GUCY1A2: variants seen among roughly 807,000 people sequenced by gnomAD.
GUCY1A2 encodes guanylate cyclase soluble subunit alpha-2.
GUCY1A2 carries 27 observed loss-of-function variants against 63.5 expected under a neutral mutation model. The ratio of observed to expected loss-of-function variants is 0.43; its 90% confidence interval spans 0.31 to 0.59. The LOEUF (loss-of-function observed/expected upper bound fraction) is 0.59. GUCY1A2 is among the 20% of genes least tolerant of loss of function. GUCY1A2 has a pLI of 0.11. For synonymous variants in GUCY1A2, 364 were observed against 343.5 expected (o/e 1.06, Z -0.66); for missense variants, 768 against 913.3 (o/e 0.84, Z 2.05).
intron 1 of GUCY1A2, among the ~76,000 whole-genome samples, chr11:107,000,644 G>C (rs1249148543): frequency 6.6e-6 from 1 of 152,122 alleles, no homozygotes; most frequent in South Asian, 2.1e-4. Flanking sequence ...ATCAATAGTA[G>C]ATTGGTAGAT....
chr11:106,899,405 T>C (rs1219883400), intron 4 of GUCY1A2, among the ~76,000 whole-genome samples: 1 of 152,166 alleles, frequency 6.6e-6, no homozygotes. Flanking sequence ...ATATGAAATA[T>C]TTAGTAGCAG....
intron 6 of GUCY1A2, among the ~76,000 whole-genome samples, chr11:106,736,936 G>C (rs1863599760): frequency 6.6e-6 from 1 of 152,058 alleles, no homozygotes; most frequent in Non-Finnish European, 1.5e-5. Context: ...TTCATCTGGG[G>C]AGCATACCAC....
chr11:106,839,798 G>A (rs1406256149), intron 4 of GUCY1A2, among the ~76,000 whole-genome samples: 5 of 141,760 alleles, frequency 3.5e-5, no homozygotes, highest in Admixed American at 2.3e-4. Context: ...TCACAGGTGG[G>A]AATTGAACAA....
chr11:106,812,036 A>G (rs1312483088), intron 4 of GUCY1A2, among the ~76,000 whole-genome samples: 4 of 152,034 alleles, frequency 2.6e-5, no homozygotes, highest in Non-Finnish European at 4.4e-5. Context: ...TAAAATATTT[A>G]CAGATTGTTT....
chr11:106,985,175 G>T (rs897029217), intron 2 of GUCY1A2, among the ~76,000 whole-genome samples: 3 of 152,216 alleles, frequency 2.0e-5, no homozygotes, highest in African/African-American at 7.2e-5. Flanking sequence ...AGTTCAAGAA[G>T]TACCACAGTT....
chr11:107,007,106 C>T (rs1159203544), intron 1 of GUCY1A2, among the ~76,000 whole-genome samples: 1 of 151,014 alleles, frequency 6.6e-6, no homozygotes, highest in Non-Finnish European at 1.5e-5. Context: ...AGTATACCAA[C>T]TACTCATTGG....
At chr11:106,712,765 T>C (rs185734905) in intron 6 of GUCY1A2, among the ~76,000 whole-genome samples, 1 of 152,296 alleles carries the variant, frequency 6.6e-6, no homozygotes, top group African/African-American at 2.4e-5. Flanking sequence ...GAGTACTCTC[T>C]GCAGTGTCCT....
In GUCY1A2 at chr11:106,737,101, T is replaced by C. The variant is rs1014795383; in HGVS notation, c.1837-28435A>G. 2.6e-5 allele frequency among the ~76,000 whole-genome samples: 4 copies of C among 152,158 alleles called. 1 individual carries two copies. The highest frequency in any genetic ancestry group is 4.4e-5 in the Non-Finnish European group (3 of 68,022). ...AGCACTTTGGTAACTCAAACTGTCA[T>C]TGCTTTTCATTGTAGACGCACATTT... On this transcript the variant is annotated intron_variant, in intron 6 of 7. Transcript: ENST00000526355.
intron 4 of GUCY1A2, among the ~76,000 whole-genome samples, chr11:106,843,927 A>G (rs1859236031): frequency 6.6e-6 from 1 of 151,854 alleles, no homozygotes; most frequent in African/African-American, 2.4e-5. Flanking sequence ...TCCATCATAG[A>G]GCACTTAGAA....
chr11:106,900,583 C>T (rs993974534), intron 4 of GUCY1A2, among the ~76,000 whole-genome samples: 6 of 152,176 alleles, frequency 3.9e-5, no homozygotes, highest in Non-Finnish European at 7.3e-5. Flanking sequence ...TCGTGTGTTT[C>T]TAATGATAAG....
At chr11:106,772,348 T>C (rs886275122) in intron 6 of GUCY1A2, among the ~76,000 whole-genome samples, 13 of 152,190 alleles carry the variant, frequency 8.5e-5, no homozygotes, top group Admixed American at 6.5e-5. Flanking sequence ...AACAGTAAGC[T>C]ATCACATATC....
At chr11:106,941,182 C>T (rs1455602) in intron 3 of GUCY1A2, among the ~76,000 whole-genome samples, 136,710 of 152,256 alleles carry the variant, frequency 0.9, 61,470 homozygotes, top group East Asian at 1. Flanking sequence ...TCTGATGAGA[C>T]AGAATTAAAG....
intron 1 of GUCY1A2, among the ~76,000 whole-genome samples, chr11:106,992,325 CTTTTTTT>C (rs11297661): frequency 1.6e-4 from 18 of 113,764 alleles, no homozygotes; most frequent in African/African-American, 5.6e-4. Context: ...AAGAATATGT[CTTTTTTT>C]TTTTTTTTTT....
chr11:106,884,213 C>T (rs993446525), intron 4 of GUCY1A2, among the ~76,000 whole-genome samples: 3 of 152,072 alleles, frequency 2.0e-5, no homozygotes, highest in Non-Finnish European at 4.4e-5. Flanking sequence ...AAAGAAAGTG[C>T]TTCATTTTGC....
chr11:106,933,930 A>C (rs553575782), intron 4 of GUCY1A2, among the ~76,000 whole-genome samples: 1 of 152,286 alleles, frequency 6.6e-6, no homozygotes, highest in Non-Finnish European at 1.5e-5. Flanking sequence ...AGATGGCAAC[A>C]ATAGACATTG....
chr11:106,944,323 G>T (rs531208990), intron 3 of GUCY1A2, among the ~76,000 whole-genome samples: 1 of 149,200 alleles, frequency 6.7e-6, no homozygotes, highest in Admixed American at 6.7e-5. Context: ...GTGCAGGCCC[G>T]CAGTCCCAGC....
chr11:106,854,951 C>T (rs200995265), intron 4 of GUCY1A2, among the ~76,000 whole-genome samples: 1 of 152,086 alleles, frequency 6.6e-6, no homozygotes, highest in Non-Finnish European at 1.5e-5. Context: ...TCCTGGGGAC[C>T]AAGCCACAAT....
Position 106,919,838 on chromosome 11 carries a change from A to C in GUCY1A2, c.1206+19622T>G, listed in dbSNP as rs1010373497. On this transcript the variant is annotated intron_variant, in intron 4 of 7. Coordinates refer to ENST00000526355, the MANE Select transcript of GUCY1A2 (RefSeq NM_000855.3). ...TCACACTACAGAGAAGCCACATTTC[A>C]TTTCTTAAAATCTGAGCTTACTCTT... Among the ~76,000 whole-genome samples the C allele has an allele frequency of 2.2e-4, 34 of 152,168 alleles. 1 individual carries two copies. Among genetic ancestry groups the C allele is most frequent in the Non-Finnish European group, 4.9e-4 (33 of 68,022 alleles).
At chr11:106,888,073 G>A (rs1007486532) in intron 4 of GUCY1A2, among the ~76,000 whole-genome samples, 38 of 152,144 alleles carry the variant, frequency 2.5e-4, no homozygotes, top group African/African-American at 9.2e-4. Flanking sequence ...GTGGGGGTTG[G>A]GGGAATGAAC....
Sources: allele counts gnomAD v4.1 joint callset (sites outside exome capture counted in the v4.1 genomes callset), GRCh38; gene constraint gnomAD v4.1.1; transcripts MANE v1.5; gene names NCBI Gene and HGNC (gene_info 2026-07-23, HGNC 2026-07-21).